GALNTL6: variants seen among roughly 807,000 people sequenced by gnomAD.
GALNTL6 encodes the protein polypeptide N-acetylgalactosaminyltransferase like 6.
Under a neutral mutation model 73.7 loss-of-function variants are expected in GALNTL6, and 46 were observed. The ratio of observed to expected loss-of-function variants is 0.62; its 90% CI spans 0.49 to 0.80. The LOEUF is 0.80. GALNTL6 is among the 30% of genes least tolerant of loss of function. The pLI is 0.00. For missense variants in GALNTL6, 604 were observed against 755.0 expected (o/e 0.80, Z 2.34); for synonymous variants, 259 against 263.7 (o/e 0.98, Z 0.17).
chr4:172,372,420 A>G (rs887896568), intron 5 of GALNTL6, among the ~76,000 whole-genome samples: 32 of 152,178 alleles, frequency 2.1e-4, no homozygotes, highest in African/African-American at 7.7e-4. Context: ...CATTGACATT[A>G]TGAGTAGTCC....
At position 172,079,877 on chromosome 4, in the gene GALNTL6, A is replaced by C. The variant is rs572943187; in HGVS notation, c.139-149779A>C. 8.5e-5 allele frequency among the ~76,000 whole-genome samples: 13 copies of C among 152,204 alleles called. No individual in the cohort carries two copies. In the South Asian group the frequency reaches 2.7e-3, roughly 32 times the overall value. ...TTGTTCTCTTTAACTTTTTAAAAAA[A>C]ATTTGATTGATACTAGTTTTCTTAT... On this transcript the variant is annotated intron_variant, in intron 2 of 12. Coordinates refer to ENST00000506823, the MANE Select transcript of GALNTL6 (RefSeq NM_001034845.3).
At chr4:171,876,555 G>A (rs1360753222) in intron 2 of GALNTL6, among the ~76,000 whole-genome samples, 4 of 152,156 alleles carry the variant, frequency 2.6e-5, no homozygotes, top group Admixed American at 6.6e-5. Context: ...GAAACAAACC[G>A]TCTAACCCTC....
At chr4:172,876,057 A>G (rs961948171) in intron 7 of GALNTL6, among the ~76,000 whole-genome samples, 1 of 152,222 alleles carries the variant, frequency 6.6e-6, no homozygotes, top group Admixed American at 6.5e-5. Flanking sequence ...CACAATATTT[A>G]TGGCTATAGT....
intron 5 of GALNTL6, among the ~76,000 whole-genome samples, chr4:172,451,969 C>T (rs1355500868): frequency 1.3e-5 from 2 of 152,108 alleles, no homozygotes; most frequent in South Asian, 2.1e-4. Context: ...TGTGATTGTA[C>T]CGCTGCACTC....
At chr4:172,651,571 C>CAA (rs1415608198) in intron 5 of GALNTL6, among the ~76,000 whole-genome samples, 1 of 152,160 alleles carries the variant, frequency 6.6e-6, no homozygotes, top group Admixed American at 6.5e-5. Flanking sequence ...TAAACTCCTA[C>CAA]AAGTAGCCTT....
At chr4:172,996,367 A>C (rs1751780825) in intron 10 of GALNTL6, among the ~76,000 whole-genome samples, 3 of 152,080 alleles carry the variant, frequency 2.0e-5, no homozygotes, top group African/African-American at 4.8e-5. Context: ...AGAGGGGAAC[A>C]GCACACACCG....
chr4:172,960,590 G>A (rs1163817135), intron 10 of GALNTL6, among the ~76,000 whole-genome samples: 2 of 152,100 alleles, frequency 1.3e-5, no homozygotes, highest in African/African-American at 4.8e-5. Flanking sequence ...TTTGGGATAA[G>A]TCGCATTGGG....
chr4:172,568,856 C>A (rs1240789303), intron 5 of GALNTL6, among the ~76,000 whole-genome samples: 1 of 150,944 alleles, frequency 6.6e-6, no homozygotes, highest in Admixed American at 6.6e-5. Flanking sequence ...AACGGCTTTG[C>A]ATGCAGCCTG....
At chr4:173,021,354 C>T in intron 11 of GALNTL6, 122 bp from the exon 12 acceptor site, 1 of 967,490 alleles carries the variant, frequency 1.0e-6, no homozygotes, top group Non-Finnish European at 1.6e-6. Flanking sequence ...TGAGACTTAG[C>T]TCTTTTTGGC....
At chr4:172,581,444 G>A (rs1186912978) in intron 5 of GALNTL6, among the ~76,000 whole-genome samples, 2 of 152,124 alleles carry the variant, frequency 1.3e-5, no homozygotes, top group Admixed American at 1.3e-4. Context: ...CATCATGGCA[G>A]CCTGCCCTTG....
chr4:172,865,892 T>C (rs1744639005), intron 7 of GALNTL6, among the ~76,000 whole-genome samples: 1 of 152,138 alleles, frequency 6.6e-6, no homozygotes, highest in Non-Finnish European at 1.5e-5. Flanking sequence ...ACTCATAATC[T>C]CACCTGTTTC....
chr4:172,018,011 A>G (rs1484138726), intron 2 of GALNTL6, among the ~76,000 whole-genome samples: 1 of 151,560 alleles, frequency 6.6e-6, no homozygotes, highest in East Asian at 1.9e-4. Context: ...CTAGCAGTGA[A>G]GTTGTCATGT....
chr4:172,929,282 T>G (rs1748209809), intron 8 of GALNTL6, among the ~76,000 whole-genome samples: 1 of 152,208 alleles, frequency 6.6e-6, no homozygotes, highest in Admixed American at 6.5e-5. Flanking sequence ...TAATCACCAT[T>G]TGTTCAACCA....
At chr4:171,975,587 G>A (rs1579022837) in intron 2 of GALNTL6, among the ~76,000 whole-genome samples, 1 of 152,072 alleles carries the variant, frequency 6.6e-6, no homozygotes, top group East Asian at 1.9e-4. Context: ...AGACATACTA[G>A]AGAAAAGCAA....
chr4:173,021,022 G>A (rs962368124), intron 11 of GALNTL6, among the ~76,000 whole-genome samples: 9 of 152,146 alleles, frequency 5.9e-5, no homozygotes, highest in East Asian at 1.9e-4. Context: ...GCAGTGAGCC[G>A]AGATCGCACC....
intron 5 of GALNTL6, among the ~76,000 whole-genome samples, chr4:172,379,833 C>T (rs1253653022): frequency 6.6e-6 from 1 of 152,118 alleles, no homozygotes; most frequent in Non-Finnish European, 1.5e-5. Flanking sequence ...ATACTTCTAG[C>T]CTCTGCTCAT....
At chr4:172,044,341 A>G (rs1007517523) in intron 2 of GALNTL6, among the ~76,000 whole-genome samples, 1 of 151,968 alleles carries the variant, frequency 6.6e-6, no homozygotes, top group Non-Finnish European at 1.5e-5. Flanking sequence ...GAATGCCCTT[A>G]TAAATACATG....
At chr4:172,252,545 T>G (rs184375904) in intron 3 of GALNTL6, among the ~76,000 whole-genome samples, 39 of 152,104 alleles carry the variant, frequency 2.6e-4, no homozygotes, top group African/African-American at 9.2e-4. Context: ...ATAAAGAAAT[T>G]TAGATAAAGA....
chr4:172,680,738 C>G (rs1336009923), intron 5 of GALNTL6, among the ~76,000 whole-genome samples: 2 of 152,196 alleles, frequency 1.3e-5, no homozygotes, highest in African/African-American at 4.8e-5. Context: ...TATAAGCCCT[C>G]TTTGATTATT....
Sources: allele counts gnomAD v4.1 joint callset (sites outside exome capture counted in the v4.1 genomes callset), GRCh38; gene constraint gnomAD v4.1.1; transcripts MANE v1.5; gene names NCBI Gene and HGNC (gene_info 2026-07-23, HGNC 2026-07-21).